ANKRD55: variants seen among roughly 807,000 people sequenced by gnomAD.
The protein encoded by ANKRD55 is ankyrin repeat domain-containing protein 55.
In ANKRD55, 41 loss-of-function variants were observed where a neutral mutation model predicts 60.6. The ratio of observed to expected loss-of-function variants is 0.68; its 90% confidence interval spans 0.53 to 0.88. The LOEUF (loss-of-function observed/expected upper bound fraction) is 0.88. Ranked by LOEUF, ANKRD55 falls within the 40% of genes least tolerant of loss-of-function variation. ANKRD55 has a pLI of 0.00. For missense variants in ANKRD55, 732 were observed against 767.6 expected (o/e 0.95, Z 0.55); for synonymous variants, 264 against 290.3 (o/e 0.91, Z 0.92).
chr5:56,144,762 G>A (rs2111762406), intron 6 of ANKRD55, among the ~76,000 whole-genome samples: 1 of 152,270 alleles, frequency 6.6e-6, no homozygotes, highest in South Asian at 2.1e-4. Context: ...AGAGTTCAGG[G>A]TCATATGGGT....
intron 2 of ANKRD55, among the ~76,000 whole-genome samples, chr5:56,209,837 T>C (rs897481930): frequency 6.6e-6 from 1 of 152,182 alleles, no homozygotes; most frequent in Non-Finnish European, 1.5e-5. Flanking sequence ...TGGAAGTCAA[T>C]GGATTTGACT....
intron 9 of ANKRD55, among the ~76,000 whole-genome samples, chr5:56,116,223 G>A (rs1756882102): frequency 6.6e-6 from 1 of 152,070 alleles, no homozygotes; most frequent in African/African-American, 2.4e-5. Flanking sequence ...GTTATCTGGG[G>A]GCCCTTAATA....
intron 6 of ANKRD55, among the ~76,000 whole-genome samples, chr5:56,150,206 A>T (rs1378225601): frequency 2.6e-5 from 4 of 152,132 alleles, no homozygotes; most frequent in Non-Finnish European, 5.9e-5. Context: ...AACAACCCAC[A>T]GTAGTATAAA....
intron 2 of ANKRD55, among the ~76,000 whole-genome samples, chr5:56,209,378 C>T (rs1260786550): frequency 6.6e-6 from 1 of 152,082 alleles, no homozygotes; most frequent in African/African-American, 2.4e-5. Flanking sequence ...ATTATTTTCT[C>T]ATTACTGGGC....
chr5:56,162,176 AG>A, intron 5 of ANKRD55: 1 of 287,754 alleles, frequency 3.5e-6, no homozygotes, highest in Non-Finnish European at 5.2e-6. Flanking sequence ...GTAGCCAGAC[AG>A]GATCTTCTGG....
chr5:56,150,865 C>T (rs573062321), intron 6 of ANKRD55, among the ~76,000 whole-genome samples: 2 of 152,318 alleles, frequency 1.3e-5, no homozygotes, highest in African/African-American at 4.8e-5. Flanking sequence ...CACCACTGCA[C>T]TCCAGCCTTG....
intron 2 of ANKRD55, among the ~76,000 whole-genome samples, chr5:56,187,421 G>A (rs1381446355): frequency 1.3e-5 from 2 of 152,236 alleles, no homozygotes; most frequent in Non-Finnish European, 1.5e-5. Context: ...AGCTGGCAAC[G>A]GCTACCCTCT....
chr5:56,143,785 C>T lies in ANKRD55; in HGVS notation c.612+16G>A, dbSNP rs1387253326. 1.9e-6 allele frequency: 3 copies of T among 1,614,020 alleles called. No homozygotes were observed. Among genetic ancestry groups the T allele is most frequent in the African/African-American group, 2.7e-5 (2 of 74,944 alleles). ...ACCATTTAAACCTGAGACCAGTCCA[C>T]AGGTCAATTTCTCACCTGGACTGCC... On this transcript the variant is annotated intron_variant, in intron 7 of 11. Coordinates refer to ENST00000341048, the MANE Select transcript of ANKRD55 (RefSeq NM_024669.3).
At chr5:56,144,684 A>G (rs1312344619) in intron 6 of ANKRD55, among the ~76,000 whole-genome samples, 1 of 152,236 alleles carries the variant, frequency 6.6e-6, no homozygotes, top group African/African-American at 2.4e-5. Flanking sequence ...TACACTGTTT[A>G]GAAGAAATCA....
At chr5:56,137,669 A>C in intron 7 of ANKRD55, 1 of 486,452 alleles carries the variant, frequency 2.1e-6, no homozygotes, top group East Asian at 3.8e-5. Flanking sequence ...TGGAAGAAAA[A>C]ATTGATAACC....
chr5:56,131,795 C>CAAAAA lies in ANKRD55; in HGVS notation c.613-4694_613-4690dup, dbSNP rs34898025. 1.6e-3 allele frequency among the ~76,000 whole-genome samples: 42 copies of CAAAAA among 26,786 alleles called. 5 individuals are homozygous for CAAAAA. Among genetic ancestry groups the CAAAAA allele is most frequent in the South Asian group, 3.9e-3 (2 of 518 alleles). The allele number at this position is 26,786 out of a possible 152,430, so 17.6% of individuals were successfully genotyped here. A position where few individuals can be genotyped will look rare whatever the true frequency, so the allele number is the denominator to read the frequency against. ...TGGGCAACAGAGCAAGACTCCGTCT[C>CAAAAA]AAAAAAAAAAAAAAAAAAAAAAAAA... On this transcript the variant is annotated intron_variant, in intron 7 of 11. Transcript: ENST00000341048.
intron 6 of ANKRD55, among the ~76,000 whole-genome samples, chr5:56,159,367 A>G (rs767657084): frequency 1.3e-5 from 2 of 152,100 alleles, no homozygotes; most frequent in Non-Finnish European, 2.9e-5. Flanking sequence ...AGGTTGAGGC[A>G]GGAGAATCAC....
At chr5:56,151,727 C>A (rs182381673) in intron 6 of ANKRD55, among the ~76,000 whole-genome samples, 4 of 151,770 alleles carry the variant, frequency 2.6e-5, no homozygotes, top group Admixed American at 1.3e-4. Context: ...GCAGGAGAAT[C>A]ACTTGAACCC....
chr5:56,112,364 T>C (rs1369968384), intron 9 of ANKRD55, among the ~76,000 whole-genome samples: 1 of 151,746 alleles, frequency 6.6e-6, no homozygotes, highest in Non-Finnish European at 1.5e-5. Flanking sequence ...CGAAAAGTAC[T>C]TTTAAAAAAA....
chr5:56,148,605 C>T (rs1757957620), intron 6 of ANKRD55, among the ~76,000 whole-genome samples: 1 of 151,906 alleles, frequency 6.6e-6, no homozygotes, highest in Non-Finnish European at 1.5e-5. Context: ...GAACCTGTGC[C>T]ACCACAATTT....
rs1446142498 is a variant in ANKRD55, at chr5:56,134,393, C to G, written c.613-7287G>C. Among the ~76,000 whole-genome samples, 3 of 113,592 alleles carry G rather than the reference C, an allele frequency of 2.6e-5. 1 individual carries two copies. The highest frequency in any genetic ancestry group is 6.2e-5 in the Non-Finnish European group (3 of 48,158). 74.5% of individuals were successfully genotyped at this position (113,592 alleles called of 152,430 possible). ...AGGAGTTCGAGACCAGCCTGGCCAA[C>G]ATGGCGAAACCTGGTGTCTACTGAA... On this transcript the variant is annotated intron_variant, in intron 7 of 11. Coordinates refer to ENST00000341048, the MANE Select transcript of ANKRD55 (RefSeq NM_024669.3).
At chr5:56,223,970 C>G (rs1459563500) in intron 2 of ANKRD55, among the ~76,000 whole-genome samples, 3 of 152,198 alleles carry the variant, frequency 2.0e-5, no homozygotes, top group Non-Finnish European at 4.4e-5. Context: ...TTGAACTCAG[C>G]TCTGCACCAA....
At chr5:56,228,608 A>G (rs1760174695) in intron 2 of ANKRD55, among the ~76,000 whole-genome samples, 1 of 151,964 alleles carries the variant, frequency 6.6e-6, no homozygotes, top group South Asian at 2.1e-4. Flanking sequence ...TATTTTTACT[A>G]GAGACAGGGT....
At chr5:56,140,626 T>C (rs948884518) in intron 7 of ANKRD55, among the ~76,000 whole-genome samples, 12 of 152,364 alleles carry the variant, frequency 7.9e-5, no homozygotes, top group Non-Finnish European at 4.4e-5. Flanking sequence ...CGAGGCATTA[T>C]GCTTATACAA....
Sources: gnomAD v4.1 joint callset for allele counts (sites outside exome capture counted in the v4.1 genomes callset) on GRCh38, gnomAD v4.1.1 for gene constraint, MANE v1.5 for transcripts, NCBI Gene and HGNC (gene_info 2026-07-23, HGNC 2026-07-21) for gene names.